MYOM2: variants seen among roughly 807,000 people sequenced by gnomAD.
The protein encoded by MYOM2 is myomesin 2.
A neutral mutation model predicts 187.6 loss-of-function variants in MYOM2; 254 were observed. The ratio of observed to expected loss-of-function variants is 1.35; its 90% CI spans 1.22 to 1.50. MYOM2 has a LOEUF of 1.50. Ranked by LOEUF, MYOM2 falls within the 40% of genes most tolerant of loss-of-function variation. The probability of loss-of-function intolerance (pLI) is 0.00; values close to 1 mark genes in which losing one functional copy is unlikely to be tolerated. For missense variants in MYOM2, 2,796 were observed against 1,924.0 expected, an observed-to-expected ratio of 1.45 and a Z score of -8.48; for synonymous variants, 981 against 753.8, an observed-to-expected ratio of 1.30 and a Z score of -4.94.
At chr8:2,056,627 C>G (rs1818674980) in intron 3 of MYOM2, among the ~76,000 whole-genome samples, 1 of 152,152 alleles carries the variant, frequency 6.6e-6, no homozygotes, top group Admixed American at 6.5e-5. Flanking sequence ...ACTCAAAATA[C>G]TTTAATTCAG....
At chr8:2,089,547 C>G (rs1239029437) in intron 14 of MYOM2, among the ~76,000 whole-genome samples, 1 of 152,074 alleles carries the variant, frequency 6.6e-6, no homozygotes, top group Non-Finnish European at 1.5e-5. Context: ...TGTGTCTGAC[C>G]GTATTGACAG....
In MYOM2 at chr8:2,054,746, C is replaced by G. The variant is rs74723781; in HGVS notation, c.263+2433C>G. Among the ~76,000 whole-genome samples the G allele has an allele frequency of 2.6e-3, 392 of 152,318 alleles. 5 individuals are homozygous for G. The highest frequency in any genetic ancestry group is 8.9e-3 in the African/African-American group (372 of 41,572). On this transcript the variant is annotated intron_variant, in intron 3 of 36. Coordinates refer to ENST00000262113, the MANE Select transcript of MYOM2 (RefSeq NM_003970.4). ...CATCACAGTGCTGCGTGGCGCAGAC[C>G]AAGCTTTGTCTTCTCGATCCCTGCA...
At chr8:2,048,801 T>TA (rs1019958182) in intron 1 of MYOM2, among the ~76,000 whole-genome samples, 1 of 151,508 alleles carries the variant, frequency 6.6e-6, no homozygotes, top group Non-Finnish European at 1.5e-5. Context: ...ATTTTATTTT[T>TA]TTTTTTGAGA....
At chr8:2,050,138 C>T (rs1818434479) in intron 1 of MYOM2, among the ~76,000 whole-genome samples, 1 of 152,152 alleles carries the variant, frequency 6.6e-6, no homozygotes, top group African/African-American at 2.4e-5. Flanking sequence ...CTGCGTCTTT[C>T]CAGAGTGATT....
chr8:2,065,489 G>C (rs1818989039), intron 6 of MYOM2, among the ~76,000 whole-genome samples: 1 of 152,146 alleles, frequency 6.6e-6, no homozygotes, highest in Non-Finnish European at 1.5e-5. Context: ...AGAATTGCTT[G>C]AACCTGGGAA....
chr8:2,135,751 A>G (rs1473750939), intron 32 of MYOM2, among the ~76,000 whole-genome samples: 1 of 152,250 alleles, frequency 6.6e-6, no homozygotes, highest in Non-Finnish European at 1.5e-5. Flanking sequence ...CTAAACAACA[A>G]TAATAATAAT....
At chr8:2,077,338 AAAAAC>A (rs1250344282) in intron 11 of MYOM2, among the ~76,000 whole-genome samples, 2 of 152,106 alleles carry the variant, frequency 1.3e-5, no homozygotes, top group Non-Finnish European at 2.9e-5. Context: ...CAAAAAACAA[AAAAAC>A]AAAACAAAAA....
At chr8:2,098,464 C>T (rs1028340011) in intron 18 of MYOM2, among the ~76,000 whole-genome samples, 6 of 152,254 alleles carry the variant, frequency 3.9e-5, no homozygotes, top group African/African-American at 1.2e-4. Context: ...GGGCAGGGCC[C>T]GCTCAGGGGA....
intron 28 of MYOM2, among the ~76,000 whole-genome samples, chr8:2,120,080 ATTG>A (rs1797374789): frequency 6.6e-6 from 1 of 152,080 alleles, no homozygotes; most frequent in African/African-American, 2.4e-5. Context: ...AATGGAAATC[ATTG>A]TTGAGTGCAT....
chr8:2,140,979 A>G (rs1798255171), intron 33 of MYOM2, 93 bp downstream of exon 33: 3 of 1,362,240 alleles, frequency 2.2e-6, no homozygotes, highest in East Asian at 4.8e-5. Context: ...TACAAGAGAC[A>G]ATATGAATTT....
chr8:2,093,955 C>T lies in MYOM2; in HGVS notation c.2004-15C>T, dbSNP rs367683211. The T allele has an allele frequency of 2.5e-6, 4 of 1,613,312 alleles. No homozygotes were observed. The highest frequency in any genetic ancestry group is 2.2e-5 in the East Asian group (1 of 44,886). On this transcript the variant is annotated splice_polypyrimidine_tract_variant and intron_variant, in intron 16 of 36. Transcript: ENST00000262113. Reference sequence around the variant, plus strand: ...GGAGCCTGGCAGTTCTGACCCTGATCCCTGTGTTTCTCAGGTTCGTGGTGC... The same window carrying T: ...GGAGCCTGGCAGTTCTGACCCTGATTCCTGTGTTTCTCAGGTTCGTGGTGC...
At position 2,102,773 on chromosome 8, in the gene MYOM2, C is replaced by G; in HGVS notation, c.2726C>G (p.Ala909Gly). The change falls in exon 21 of 37, where the codon GCG (alanine) becomes GGG (glycine). Residue 909 changes from alanine (A) to glycine (G), a missense_variant. Ala to Gly is a moderately conservative substitution (Grantham distance 60, BLOSUM62 0). Transcript: ENST00000262113. The stretch of plus-strand genomic sequence containing the variant: ...ACGTCGGAGCCTGTGCTGGTAGAGG[C>G]GAGACCAGGTAAGGCTTACAACAAA... ...SDTSEPVLVE[A>G]RPGTKEISAG... 6.2e-7 allele frequency: 1 copy of G among 1,612,856 alleles called. No individual in the cohort carries two copies. The highest frequency in any genetic ancestry group is 8.5e-7 in the Non-Finnish European group (1 of 1,178,954).
At chr8:2,130,561 G>A (rs1475363949) in intron 32 of MYOM2, among the ~76,000 whole-genome samples, 2 of 152,228 alleles carry the variant, frequency 1.3e-5, no homozygotes, top group Non-Finnish European at 2.9e-5. Context: ...GTAAATTGAA[G>A]AGTTGAAAGC....
chr8:2,065,356 G>T (rs369555560), intron 6 of MYOM2, among the ~76,000 whole-genome samples: 10 of 152,148 alleles, frequency 6.6e-5, no homozygotes, highest in African/African-American at 2.2e-4. Flanking sequence ...GAATCACGAG[G>T]TCAGGAGTTT....
intron 21 of MYOM2, 33 bp from the exon 22 acceptor site, chr8:2,106,209 C>T: frequency 6.2e-7 from 1 of 1,607,848 alleles, no homozygotes; most frequent in Non-Finnish European, 8.5e-7. Context: ...CACCGTGTCC[C>T]TAAGCCGCTC....
Position 2,092,477 on chromosome 8 carries a change from A to C in MYOM2, c.1960A>C (p.Asn654His), listed in dbSNP as rs535382733. The C allele has an allele frequency of 1.9e-6, 3 of 1,614,102 alleles. No individual in the cohort carries two copies. The South Asian group carries it at 3.3e-5, about 18-fold the overall frequency. ...YYVDCCVAGT[N>H]LWEPCNHKPI... ...CGTGGACTGCTGTGTGGCCGGAACCAACCTCTGGGAGCCCTGCAACCACAA... is the reference window on the plus strand; with the variant it reads ...CGTGGACTGCTGTGTGGCCGGAACCCACCTCTGGGAGCCCTGCAACCACAA... The change falls in exon 16 of 37, where the codon AAC becomes CAC. Residue 654 changes from asparagine (N) to histidine (H), a missense_variant. Coordinates refer to ENST00000262113, the MANE Select transcript of MYOM2 (RefSeq NM_003970.4).
At chr8:2,136,143 C>T (rs932225777) in intron 32 of MYOM2, among the ~76,000 whole-genome samples, 1 of 152,196 alleles carries the variant, frequency 6.6e-6, no homozygotes, top group East Asian at 1.9e-4. Flanking sequence ...GCAAGAGAAC[C>T]TGGGGTCAGA....
intron 10 of MYOM2, among the ~76,000 whole-genome samples, chr8:2,073,759 A>G (rs1236299149): frequency 6.6e-6 from 1 of 152,208 alleles, no homozygotes; most frequent in Non-Finnish European, 1.5e-5. Flanking sequence ...AATCGTTCAT[A>G]TAGTCATTAG....
intron 33 of MYOM2, 90 bp from the exon 34 acceptor site, chr8:2,141,051 A>C (rs1318949394): frequency 6.5e-6 from 9 of 1,388,020 alleles, no homozygotes; most frequent in Admixed American, 4.4e-5. Flanking sequence ...ATCAGTTTTC[A>C]TGAACCAGAT....
Sources: gnomAD v4.1 joint callset for allele counts (sites outside exome capture counted in the v4.1 genomes callset) on GRCh38, gnomAD v4.1.1 for gene constraint, MANE v1.5 for transcripts, NCBI Gene and HGNC (gene_info 2026-07-23, HGNC 2026-07-21) for gene names.